Variants in DISC1 observed in about 807,000 individuals in gnomAD.
DISC1 encodes the protein disrupted in schizophrenia 1 protein.
DISC1 carries 57 observed loss-of-function variants against 84.5 expected under a neutral mutation model. The ratio of observed to expected loss-of-function variants is 0.67; its 90% CI spans 0.55 to 0.84. The LOEUF is 0.84. DISC1 is among the 40% of genes least tolerant of loss of function. The pLI is 0.00. For synonymous variants in DISC1, 411 were observed against 415.2 expected, an observed-to-expected ratio of 0.99 and a Z score of 0.12; for missense variants, 1,000 against 1,057.8, an observed-to-expected ratio of 0.95 and a Z score of 0.76.
chr1:231,664,375 A>C (rs2061829861), intron 1 of DISC1, among the ~76,000 whole-genome samples: 1 of 152,202 alleles, frequency 6.6e-6, no homozygotes. Context: ...GGTAGGCAGA[A>C]TAATATCCCC....
intron 3 of DISC1, among the ~76,000 whole-genome samples, chr1:231,734,118 G>A (rs1417027235): frequency 6.6e-6 from 1 of 152,108 alleles, no homozygotes; most frequent in African/African-American, 2.4e-5. Flanking sequence ...TGTGAGTGAA[G>A]ATGCCTCCAT....
intron 10 of DISC1, among the ~76,000 whole-genome samples, chr1:231,961,608 A>G (rs184054863): frequency 2.0e-5 from 3 of 152,220 alleles, no homozygotes; most frequent in East Asian, 3.9e-4. Flanking sequence ...TTTAGCTCCC[A>G]CTTGCAAGTG....
intron 9 of DISC1, among the ~76,000 whole-genome samples, chr1:231,829,890 T>C (rs1417757944): frequency 6.9e-6 from 1 of 144,920 alleles, no homozygotes; most frequent in Non-Finnish European, 1.5e-5. Flanking sequence ...AGGTGCTCAG[T>C]GGGGGAGCTT....
At chr1:232,000,898 G>A (rs905127576) in intron 10 of DISC1, among the ~76,000 whole-genome samples, 1 of 152,098 alleles carries the variant, frequency 6.6e-6, no homozygotes, top group African/African-American at 2.4e-5. Flanking sequence ...AAACTACCGT[G>A]TATTTGTTGT....
intron 9 of DISC1, among the ~76,000 whole-genome samples, chr1:231,824,325 TA>T (rs748052320): frequency 1.2e-3 from 183 of 151,980 alleles, no homozygotes; most frequent in African/African-American, 3.5e-3. Context: ...CATTTAGATT[TA>T]AAAAAAAATG....
At chr1:231,705,016 A>C (rs186791326) in intron 3 of DISC1, among the ~76,000 whole-genome samples, 1 of 151,900 alleles carries the variant, frequency 6.6e-6, no homozygotes, top group East Asian at 2.0e-4. Context: ...AAGAATAATA[A>C]AGCTATACAT....
chr1:232,009,428 A>T lies in DISC1; in HGVS notation c.2307+379A>T, dbSNP rs1667827238. On this transcript the variant is annotated intron_variant, in intron 11 of 12. Transcript: ENST00000439617. The surrounding 1 kb of genome is among the most constrained non-coding windows in gnomAD (Gnocchi z 4.6). ...ACATGATATTTAACATATATACTAT[A>T]CATTATGTATTGTATGTCATATATG... is the stretch of plus-strand genomic sequence containing the variant. 2 of 611,822 alleles carry T rather than the reference A, an allele frequency of 3.3e-6. No homozygotes were observed. Among genetic ancestry groups the T allele is most frequent in the African/African-American group, 4.3e-5 (2 of 46,520 alleles). The allele number at this position is 611,822 out of a possible 1,614,324, so 37.9% of individuals were successfully genotyped here. A position where few individuals can be genotyped will look rare whatever the true frequency, so the allele number is the denominator to read the frequency against.
chr1:231,640,573 T>C lies in DISC1; in HGVS notation c.67+13639T>C, dbSNP rs112866197. Among the ~76,000 whole-genome samples, 148 of 149,608 alleles carry C rather than the reference T, an allele frequency of 9.9e-4. 1 individual carries two copies. The highest frequency in any genetic ancestry group is 3.5e-3 in the African/African-American group (141 of 40,388). On this transcript the variant is annotated intron_variant, in intron 1 of 12. Coordinates refer to ENST00000439617, the MANE Select transcript of DISC1 (RefSeq NM_018662.3). ...AGACAAGGTCTCCCTCTGTTGCCCA[T>C]GCTGGAGTGCAGTGGCATGATCACA... is the stretch of plus-strand genomic sequence containing the variant.
intron 6 of DISC1, among the ~76,000 whole-genome samples, chr1:231,790,673 C>G (rs1283453109): frequency 6.6e-6 from 1 of 152,066 alleles, no homozygotes; most frequent in East Asian, 1.9e-4. Context: ...CGCCTGCCAC[C>G]ACGCTCGGCT....
chr1:231,949,644 G>A (rs1001084529), intron 9 of DISC1, among the ~76,000 whole-genome samples: 79 of 152,076 alleles, frequency 5.2e-4, no homozygotes, highest in African/African-American at 1.8e-3. Context: ...GCTGCCTTAC[G>A]GGGGCGCCAT....
rs570558175 is a variant in DISC1, at chr1:231,942,315, A to C, written c.1982-16513A>C. Among the ~76,000 whole-genome samples, 27 of 152,338 alleles carry C rather than the reference A, an allele frequency of 1.8e-4. No homozygotes were observed. In the East Asian group the frequency reaches 4.4e-3, roughly 25 times the overall value. ...GAAGACAGCAGTCATAGTTTCCATC[A>C]GAGCTGTGCATTCAACCTTCTCTAT... On this transcript the variant is annotated intron_variant, in intron 9 of 12. Coordinates refer to ENST00000439617, the MANE Select transcript of DISC1 (RefSeq NM_018662.3).
chr1:232,015,280 G>A (rs943081223), intron 11 of DISC1, among the ~76,000 whole-genome samples: 3 of 151,990 alleles, frequency 2.0e-5, no homozygotes, highest in South Asian at 2.1e-4. Context: ...AGGGCCTCAC[G>A]GTGGCCCTTT....
chr1:232,012,061 C>A (rs919347532), intron 11 of DISC1, among the ~76,000 whole-genome samples: 1 of 152,184 alleles, frequency 6.6e-6, no homozygotes, highest in Admixed American at 6.5e-5. Flanking sequence ...GAGACGCATA[C>A]CTAGTAGAGG....
Position 231,694,363 on chromosome 1 carries a change from C to T in DISC1, c.605C>T (p.Ser202Phe), listed in dbSNP as rs2065392763. 1 of 1,614,132 alleles carries T rather than the reference C, an allele frequency of 6.2e-7. No homozygotes were observed. Among genetic ancestry groups the T allele is most frequent in the Non-Finnish European group, 8.5e-7 (1 of 1,180,046 alleles). Residue 202 changes from serine (S) to phenylalanine (F), a missense_variant, in exon 2 of 13, where the codon TCT (serine) becomes TTT (phenylalanine). Physicochemically the swap from Ser to Phe is radical, Grantham distance 155. This residue lies in a region of DISC1 where 292 missense variants were observed against 280.2 expected (regional missense o/e 1.04). Coordinates refer to ENST00000439617, the MANE Select transcript of DISC1 (RefSeq NM_018662.3). The part of the protein sequence containing the change: ...GPEVPPTPPG[S>F]HSAFTSSFSF... ...GAGGTCCCCCCAACCCCTCCTGGCT[C>T]TCACAGTGCCTTTACCTCAAGCTTT...
chr1:231,667,351 T>C (rs541653953), intron 1 of DISC1, among the ~76,000 whole-genome samples: 25 of 152,352 alleles, frequency 1.6e-4, no homozygotes, highest in African/African-American at 5.8e-4. Flanking sequence ...AGGGCTTAAA[T>C]ACTTCCTTAC....
chr1:231,794,825 G>A (rs200622453), intron 6 of DISC1, among the ~76,000 whole-genome samples: 62 of 152,248 alleles, frequency 4.1e-4, no homozygotes, highest in South Asian at 1.0e-3. Context: ...AGGGCTCTGG[G>A]TACATATTTG....
chr1:231,642,691 A>G (rs907833507), intron 1 of DISC1, among the ~76,000 whole-genome samples: 2 of 152,180 alleles, frequency 1.3e-5, no homozygotes, highest in African/African-American at 2.4e-5. Context: ...GCTCTATACA[A>G]TTCTCCATTA....
At chr1:231,985,574 C>T (rs775924819) in intron 10 of DISC1, among the ~76,000 whole-genome samples, 21 of 152,198 alleles carry the variant, frequency 1.4e-4, no homozygotes, top group Non-Finnish European at 2.1e-4. Flanking sequence ...TGTGTGTATG[C>T]GTGTGGGTAC....
At chr1:231,933,017 C>T (rs2090764013) in intron 9 of DISC1, among the ~76,000 whole-genome samples, 1 of 152,170 alleles carries the variant, frequency 6.6e-6, no homozygotes, top group South Asian at 2.1e-4. Flanking sequence ...CCTATACCAC[C>T]CGAGCATCAC....
Sources: gnomAD v4.1 joint callset for allele counts (sites outside exome capture counted in the v4.1 genomes callset) on GRCh38, gnomAD v4.1.1 for gene constraint, gnomAD v4.1.1 regional missense constraint, Gnocchi (gnomAD v3.1) non-coding constraint, MANE v1.5 for transcripts, NCBI Gene and HGNC (gene_info 2026-07-23, HGNC 2026-07-21) for gene names.